The following NTNG1 variants were observed in gnomAD, a reference collection of about 807,000 sequenced individuals.
The protein encoded by NTNG1 is netrin G1.
Under a neutral mutation model 54.0 loss-of-function variants are expected in NTNG1, and 16 were observed. The observed-to-expected ratio is 0.30, with a 90% confidence interval of 0.20 to 0.45. NTNG1 has a LOEUF of 0.45. Ranked by LOEUF, NTNG1 falls within the 20% of genes least tolerant of loss-of-function variation. The pLI is 1.00. For missense variants in NTNG1, 530 were observed against 678.7 expected, an observed-to-expected ratio of 0.78 and a Z score of 2.43; for synonymous variants, 255 against 263.1, an observed-to-expected ratio of 0.97 and a Z score of 0.30.
chr1:107,314,796 T>G (rs1411064279), intron 2 of NTNG1, among the ~76,000 whole-genome samples: 1 of 152,228 alleles, frequency 6.6e-6, no homozygotes, highest in African/African-American at 2.4e-5. Context: ...TCCTGACTTT[T>G]GAGACTTACT....
chr1:107,299,566 A>G (rs1303857817), intron 2 of NTNG1, among the ~76,000 whole-genome samples: 3 of 152,182 alleles, frequency 2.0e-5, no homozygotes, highest in East Asian at 1.9e-4. Context: ...TACTCTGACT[A>G]TCTTTACAGA....
intron 2 of NTNG1, among the ~76,000 whole-genome samples, chr1:107,185,938 T>C (rs1370651662): frequency 6.6e-6 from 1 of 152,148 alleles, no homozygotes; most frequent in Non-Finnish European, 1.5e-5. Flanking sequence ...TATTCCATAG[T>C]GGTGAAGCTT....
In NTNG1 at chr1:107,307,576, C is replaced by A. The variant is rs182518821; in HGVS notation, c.247-16706C>A. Among the ~76,000 whole-genome samples the A allele has an allele frequency of 1.3e-3, 198 of 152,242 alleles. 1 individual carries two copies. The highest frequency in any genetic ancestry group is 4.6e-3 in the African/African-American group (193 of 41,546). On this transcript the variant is annotated intron_variant, in intron 2 of 7. Coordinates refer to ENST00000370068, the MANE Select transcript of NTNG1 (RefSeq NM_001113226.3). ...AAGAATTCACAGAGGGCTGGGATGC[C>A]AACTCTGAGAAAAGACAGTTTTGTG...
At chr1:107,331,373 A>G (rs1668270805) in intron 3 of NTNG1, among the ~76,000 whole-genome samples, 1 of 152,084 alleles carries the variant, frequency 6.6e-6, no homozygotes, top group African/African-American at 2.4e-5. Context: ...GTATTTTATT[A>G]CACCAGGCTG....
intron 3 of NTNG1, among the ~76,000 whole-genome samples, chr1:107,380,946 C>T (rs1671606670): frequency 6.6e-6 from 1 of 152,076 alleles, no homozygotes; most frequent in African/African-American, 2.4e-5. Flanking sequence ...TCTGATGACC[C>T]TGGAGTATGA....
intron 3 of NTNG1, among the ~76,000 whole-genome samples, chr1:107,365,449 AT>A (rs895210430): frequency 6.6e-6 from 1 of 152,154 alleles, no homozygotes; most frequent in Non-Finnish European, 1.5e-5. Context: ...TTCCAGCCCC[AT>A]TTTTAAGAAG....
At chr1:107,395,094 C>G (rs773090564) in intron 3 of NTNG1, 60 bp from the exon 4 acceptor site, 4 of 1,386,724 alleles carry the variant, frequency 2.9e-6, no homozygotes, top group Non-Finnish European at 4.0e-6. Flanking sequence ...TCAGGGAAGC[C>G]TCAGTGGTCA....
At chr1:107,252,686 T>A (rs1381346661) in intron 2 of NTNG1, among the ~76,000 whole-genome samples, 1 of 152,200 alleles carries the variant, frequency 6.6e-6, no homozygotes, top group Non-Finnish European at 1.5e-5. Flanking sequence ...CTGGGCTCCC[T>A]ACAACTAACA....
chr1:107,417,238 C>T (rs1288013972), intron 5 of NTNG1, among the ~76,000 whole-genome samples: 3 of 152,052 alleles, frequency 2.0e-5, no homozygotes. Context: ...CATAAATTTT[C>T]ATAGATATCA....
chr1:107,478,761 C>A (rs1297618798), intron 7 of NTNG1, among the ~76,000 whole-genome samples: 3 of 152,150 alleles, frequency 2.0e-5, no homozygotes, highest in African/African-American at 4.8e-5. Context: ...CCATGTTGCC[C>A]CAATTAAACA....
chr1:107,195,662 T>G (rs1658267822), intron 2 of NTNG1, among the ~76,000 whole-genome samples: 1 of 151,768 alleles, frequency 6.6e-6, no homozygotes, highest in African/African-American at 2.4e-5. Context: ...CAGTCTCCCT[T>G]GCCCACCTTT....
At chr1:107,297,149 A>T (rs909634098) in intron 2 of NTNG1, among the ~76,000 whole-genome samples, 3 of 146,340 alleles carry the variant, frequency 2.1e-5, no homozygotes, top group Non-Finnish European at 4.5e-5. Context: ...CATCATATAT[A>T]TATATAACAT....
intron 4 of NTNG1, among the ~76,000 whole-genome samples, chr1:107,407,254 T>C (rs1010360008): frequency 6.6e-6 from 1 of 152,174 alleles, no homozygotes; most frequent in Non-Finnish European, 1.5e-5. Flanking sequence ...CTATTGCATA[T>C]GTGAATATAT....
intron 2 of NTNG1, among the ~76,000 whole-genome samples, chr1:107,287,277 A>T (rs935585649): frequency 6.6e-6 from 1 of 152,188 alleles, no homozygotes; most frequent in Non-Finnish European, 1.5e-5. Context: ...AAAAAAGGCG[A>T]TGATAAAACA....
At chr1:107,363,911 T>C (rs1670435667) in intron 3 of NTNG1, among the ~76,000 whole-genome samples, 1 of 152,210 alleles carries the variant, frequency 6.6e-6, no homozygotes, top group African/African-American at 2.4e-5. Context: ...TGATCAGTTA[T>C]TTTGTGTTGT....
At chr1:107,216,576 T>C (rs1296842156) in intron 2 of NTNG1, among the ~76,000 whole-genome samples, 1 of 152,298 alleles carries the variant, frequency 6.6e-6, no homozygotes, top group East Asian at 1.9e-4. Flanking sequence ...TTTTTACATT[T>C]AGGTTCACCA....
Position 107,324,807 on chromosome 1 carries a change from A to AGGT in NTNG1, c.772_773insGGT (p.Thr258delinsArgSer). 6.2e-7 allele frequency: 1 copy of AGGT among 1,613,642 alleles called. No individual in the cohort carries two copies. Among genetic ancestry groups the AGGT allele is most frequent in the Non-Finnish European group, 8.5e-7 (1 of 1,179,756 alleles). ...AACCAAGAAACTCAGAGATTTCTTT[A>AGGT]CAGTCACAGACCTGAGGATAAGGCT... On this transcript the variant is annotated protein_altering_variant, in exon 3 of 8. Transcript: ENST00000370068.
At chr1:107,421,126 T>C in intron 5 of NTNG1, 1 of 1,609,300 alleles carries the variant, frequency 6.2e-7, no homozygotes, top group Non-Finnish European at 8.5e-7. Context: ...TCTGTTCAAG[T>C]TGCAAACCAC....
chr1:107,469,114 A>AC, intron 7 of NTNG1, among the ~76,000 whole-genome samples: 1 of 151,746 alleles, frequency 6.6e-6, no homozygotes, highest in Non-Finnish European at 1.5e-5. Context: ...AAAAAAAAAA[A>AC]ACAACGAAAG....
Sources: allele counts gnomAD v4.1 joint callset (sites outside exome capture counted in the v4.1 genomes callset), GRCh38; gene constraint gnomAD v4.1.1; transcripts MANE v1.5; gene names NCBI Gene and HGNC (gene_info 2026-07-23, HGNC 2026-07-21).